The following FAM210A variants were observed in gnomAD, a reference collection of about 807,000 sequenced individuals.
FAM210A encodes mitochondrial inner membrane scaffold 1.
Under a neutral mutation model 25.3 loss-of-function variants are expected in FAM210A, and 13 were observed. The ratio of observed to expected loss-of-function variants is 0.51; its 90% confidence interval spans 0.33 to 0.82. The LOEUF (loss-of-function observed/expected upper bound fraction) is 0.82, where lower values mean the gene tolerates loss of function less well. FAM210A is among the 40% of genes least tolerant of loss of function. The pLI, the probability that FAM210A is intolerant of heterozygous loss-of-function variation, is 0.02. For missense variants in FAM210A, 319 were observed against 323.2 expected (o/e 0.99, Z 0.10); for synonymous variants, 125 against 118.7 (o/e 1.05, Z -0.35).
At chr18:13,686,180 T>G (rs940742712) in intron 1 of FAM210A, among the ~76,000 whole-genome samples, 8 of 152,182 alleles carry the variant, frequency 5.3e-5, no homozygotes, top group African/African-American at 1.9e-4. Context: ...TGAATAACTT[T>G]AACTCTATGC....
intron 1 of FAM210A, among the ~76,000 whole-genome samples, chr18:13,717,139 C>T (rs142405649): frequency 1.3e-5 from 2 of 152,332 alleles, no homozygotes; most frequent in East Asian, 3.9e-4. Flanking sequence ...CCTCTTAAGG[C>T]TCTCCAGAAT....
intron 1 of FAM210A, among the ~76,000 whole-genome samples, chr18:13,700,488 T>TGACACCAAACTGTCTGAAGACC (rs1195504360): frequency 6.6e-6 from 1 of 152,204 alleles, no homozygotes; most frequent in Non-Finnish European, 1.5e-5. Flanking sequence ...GCAAAACAGC[T>TGACACCAAACTGTCTGAAGACC]GACACCAAAC....
intron 1 of FAM210A, among the ~76,000 whole-genome samples, chr18:13,712,147 C>A (rs1185334545): frequency 2.0e-5 from 3 of 152,114 alleles, no homozygotes; most frequent in African/African-American, 7.2e-5. Flanking sequence ...GAAAAGACCC[C>A]AGACTGCAAA....
At chr18:13,679,415 T>A (rs1017354089) in intron 2 of FAM210A, among the ~76,000 whole-genome samples, 1 of 152,232 alleles carries the variant, frequency 6.6e-6, no homozygotes, top group Non-Finnish European at 1.5e-5. Context: ...AATACAATCA[T>A]CCTACAGTGA....
intron 2 of FAM210A, among the ~76,000 whole-genome samples, chr18:13,673,565 A>G (rs959648421): frequency 7.1e-6 from 1 of 141,842 alleles, no homozygotes; most frequent in African/African-American, 2.7e-5. Context: ...CGACTTCTTT[A>G]TTTCCAGTTT....
intron 1 of FAM210A, among the ~76,000 whole-genome samples, chr18:13,708,644 A>G (rs2043798863): frequency 6.6e-6 from 1 of 152,208 alleles, no homozygotes; most frequent in South Asian, 2.1e-4. Flanking sequence ...AATATATTTC[A>G]TATTATACTA....
At chr18:13,686,308 G>A (rs1301563357) in intron 1 of FAM210A, among the ~76,000 whole-genome samples, 1 of 152,044 alleles carries the variant, frequency 6.6e-6, no homozygotes, top group Admixed American at 6.6e-5. Flanking sequence ...CCTCCTCTGA[G>A]CTGTGTATTC....
In FAM210A at chr18:13,671,890, T is replaced by A; in HGVS notation, c.557A>T (p.Asn186Ile). Residue 186 changes from asparagine to isoleucine, a missense_variant, in exon 3 of 4, where the codon AAT becomes ATT. Coordinates refer to ENST00000651643, the MANE Select transcript of FAM210A (RefSeq NM_152352.4). ...AAACAAGGCATATGCTGTGAGGGCA[T>A]TTCCACTCTGGGAGTTTTTCAGGAT... ...VSILKNSQSG[N>I]ALTAYALFKI... 1 of 1,613,644 alleles carries A rather than the reference T, an allele frequency of 6.2e-7. No homozygotes were observed. The highest frequency in any genetic ancestry group is 8.5e-7 in the Non-Finnish European group (1 of 1,179,762).
chr18:13,677,432 A>ACCC (rs994012650), intron 2 of FAM210A, among the ~76,000 whole-genome samples: 95 of 152,290 alleles, frequency 6.2e-4, no homozygotes, highest in African/African-American at 2.2e-3. Flanking sequence ...GTCGTGATCG[A>ACCC]CTGAGTAAGC....
intron 1 of FAM210A, among the ~76,000 whole-genome samples, chr18:13,706,526 C>A (rs118149176): frequency 0.021 from 3,128 of 152,260 alleles, 83 homozygotes; most frequent in East Asian, 0.11. Context: ...TCAGAAACAG[C>A]ACATTGATTC....
chr18:13,674,759 CCG>C (rs2043476210), intron 2 of FAM210A, among the ~76,000 whole-genome samples: 1 of 33,808 alleles, frequency 3.0e-5, no homozygotes, highest in Non-Finnish European at 6.2e-5. Context: ...TTCCTGAGCC[CCG>C]ACTTTATTTC....
intron 1 of FAM210A, among the ~76,000 whole-genome samples, chr18:13,715,627 T>C (rs1011350268): frequency 1.3e-5 from 2 of 152,200 alleles, no homozygotes; most frequent in Admixed American, 6.5e-5. Context: ...CATTACAACA[T>C]TTTCCATATT....
intron 1 of FAM210A, among the ~76,000 whole-genome samples, chr18:13,717,796 G>C (rs775317912): frequency 6.6e-6 from 1 of 152,146 alleles, no homozygotes; most frequent in Admixed American, 6.6e-5. Flanking sequence ...CTCGAGAAAA[G>C]ACTTATGGTA....
At chr18:13,698,941 G>A (rs1277080821) in intron 1 of FAM210A, among the ~76,000 whole-genome samples, 3 of 152,026 alleles carry the variant, frequency 2.0e-5, no homozygotes, top group Admixed American at 6.6e-5. Flanking sequence ...CTGTAGAGCC[G>A]CCCTCTTTCT....
At chr18:13,669,268 G>A (rs1349791909) in intron 3 of FAM210A, among the ~76,000 whole-genome samples, 1 of 152,170 alleles carries the variant, frequency 6.6e-6, no homozygotes, top group African/African-American at 2.4e-5. Context: ...AGCAGCCAAA[G>A]TGATTTTGAT....
At chr18:13,689,958 C>T (rs1346325485) in intron 1 of FAM210A, among the ~76,000 whole-genome samples, 2 of 152,188 alleles carry the variant, frequency 1.3e-5, no homozygotes, top group Non-Finnish European at 2.9e-5. Flanking sequence ...CAGGGCAGGG[C>T]ATCACCTCAC....
intron 1 of FAM210A, among the ~76,000 whole-genome samples, chr18:13,689,546 A>G (rs891452333): frequency 2.0e-5 from 3 of 152,220 alleles, no homozygotes; most frequent in African/African-American, 7.2e-5. Context: ...AAACTCATCC[A>G]TACTTAATGG....
At chr18:13,680,514 A>T (rs1442436581) in intron 2 of FAM210A, among the ~76,000 whole-genome samples, 38 of 152,356 alleles carry the variant, frequency 2.5e-4, no homozygotes, top group Middle Eastern at 3.4e-3. Flanking sequence ...CAAGAAATCT[A>T]TGTGGTCCTG....
chr18:13,675,277 C>T (rs1476624428), intron 2 of FAM210A, among the ~76,000 whole-genome samples: 1 of 106,802 alleles, frequency 9.4e-6, no homozygotes, highest in Non-Finnish European at 2.0e-5. Context: ...TTTCCAGTTT[C>T]CTGATTATTA....
Sources: allele counts gnomAD v4.1 joint callset (sites outside exome capture counted in the v4.1 genomes callset), GRCh38; gene constraint gnomAD v4.1.1; transcripts MANE v1.5; gene names NCBI Gene and HGNC (gene_info 2026-07-23, HGNC 2026-07-21).